Variants in LARGE1 observed in about 807,000 individuals in gnomAD.
LARGE1 encodes the protein xylosyl- and glucuronyltransferase LARGE1.
In LARGE1, 43 loss-of-function variants were observed where a neutral mutation model predicts 87.6. That is an observed-to-expected ratio of 0.49 (90% CI 0.38 to 0.63). LARGE1 has a LOEUF of 0.63. Among genes scored for constraint, LARGE1 ranks in the 30% least tolerant of loss-of-function variants. The pLI is 0.00. For missense variants in LARGE1, 802 were observed against 1,000.2 expected (o/e 0.80, Z 2.67); for synonymous variants, 434 against 394.6 (o/e 1.10, Z -1.18).
intron 12 of LARGE1, among the ~76,000 whole-genome samples, chr22:33,297,455 C>T (rs1569025489): frequency 6.7e-6 from 1 of 150,090 alleles, no homozygotes. Context: ...CTGAAAAATA[C>T]AAAAAAAATT....
chr22:33,261,392 C>T (rs1927616945), intron 11 of LARGE1, among the ~76,000 whole-genome samples: 1 of 152,096 alleles, frequency 6.6e-6, no homozygotes, highest in South Asian at 2.1e-4. Flanking sequence ...CTCAGGCTCC[C>T]CTCTCTTCTT....
intron 7 of LARGE1, among the ~76,000 whole-genome samples, chr22:33,387,408 CAG>C (rs1439978121): frequency 3.0e-5 from 3 of 100,470 alleles, no homozygotes; most frequent in African/African-American, 1.2e-4. Context: ...GTGGGGGTAA[CAG>C]AGTGAGACTC....
chr22:33,742,244 C>A (rs951702691), intron 2 of LARGE1, among the ~76,000 whole-genome samples: 22 of 152,124 alleles, frequency 1.4e-4, no homozygotes, highest in African/African-American at 5.3e-4. Context: ...ATAATAGGAC[C>A]AGCCTCATAG....
intron 9 of LARGE1, among the ~76,000 whole-genome samples, chr22:33,347,210 G>A (rs1939864633): frequency 6.6e-6 from 1 of 152,208 alleles, no homozygotes; most frequent in Admixed American, 6.5e-5. Context: ...GTGCTCTACA[G>A]GCTCTTGCAG....
chr22:33,340,313 C>G (rs1189616779), intron 9 of LARGE1, among the ~76,000 whole-genome samples: 1 of 151,696 alleles, frequency 6.6e-6, no homozygotes, highest in Non-Finnish European at 1.5e-5. Flanking sequence ...CACACAGGGA[C>G]CCAGGAGACT....
At chr22:33,482,303 A>G (rs1315988884) in intron 6 of LARGE1, among the ~76,000 whole-genome samples, 1 of 152,196 alleles carries the variant, frequency 6.6e-6, no homozygotes, top group Admixed American at 6.5e-5. Flanking sequence ...GTTGTTATTC[A>G]TGCTTTTCTC....
chr22:33,663,202 C>T (rs188010929), intron 2 of LARGE1, among the ~76,000 whole-genome samples: 6 of 152,196 alleles, frequency 3.9e-5, no homozygotes, highest in Admixed American at 1.3e-4. Flanking sequence ...ACAGAAATAA[C>T]GCTTTATTGG....
At chr22:33,505,392 A>C (rs947876654) in intron 6 of LARGE1, among the ~76,000 whole-genome samples, 1 of 152,190 alleles carries the variant, frequency 6.6e-6, no homozygotes, top group Non-Finnish European at 1.5e-5. Flanking sequence ...AGAGGATCCA[A>C]ATGGGCTTTA....
Position 33,387,200 on chromosome 22 carries a change from A to AGGTG in LARGE1, c.893-2897_893-2896insCACC, listed in dbSNP as rs2065354887. ...AGCACTTTGGGAGGCCAAGGTGCAC[A>AGGTG]GATCATCTGAAGTCAGGAGTCCAAG... On this transcript the variant is annotated intron_variant, in intron 7 of 14. Coordinates refer to ENST00000397394, the MANE Select transcript of LARGE1 (RefSeq NM_133642.5). Among the ~76,000 whole-genome samples, 10 of 148,164 alleles carry AGGTG rather than the reference A, an allele frequency of 6.7e-5. 1 individual carries two copies. Among genetic ancestry groups the AGGTG allele is most frequent in the Non-Finnish European group, 1.5e-4 (10 of 66,282 alleles).
intron 13 of LARGE1, among the ~76,000 whole-genome samples, chr22:33,277,526 G>A (rs1053666804): frequency 6.6e-6 from 1 of 152,136 alleles, no homozygotes; most frequent in Non-Finnish European, 1.5e-5. Context: ...CTTATAAGAA[G>A]GGGAAAATTT....
chr22:33,144,654 A>G, the LARGE1 span, among the ~76,000 whole-genome samples: 1 of 152,172 alleles, frequency 6.6e-6, no homozygotes, highest in Non-Finnish European at 1.5e-5. Context: ...TGAAAGCCAC[A>G]TAACTAAATA....
chr22:33,859,403 C>A lies in LARGE1; in HGVS notation c.-83+60592G>T, dbSNP rs561411151. 2.6e-5 allele frequency among the ~76,000 whole-genome samples: 4 copies of A among 152,278 alleles called. No individual in the cohort carries two copies. The South Asian group carries it at 6.2e-4, about 24-fold the overall frequency. On this transcript the variant is annotated intron_variant, in intron 1 of 14. Transcript: ENST00000397394. ...GCACCCAACAGATACAAACAAAAAGCCTTCACCTTACATTGTGGCCTCTGG... is the reference window on the plus strand; with the variant it reads ...GCACCCAACAGATACAAACAAAAAGACTTCACCTTACATTGTGGCCTCTGG...
intron 4 of LARGE1, among the ~76,000 whole-genome samples, chr22:33,614,145 C>G (rs1182580222): frequency 6.6e-6 from 1 of 152,098 alleles, no homozygotes; most frequent in Non-Finnish European, 1.5e-5. Context: ...GCTTCTTCAC[C>G]TCTGAGTCTC....
intron 11 of LARGE1, among the ~76,000 whole-genome samples, chr22:33,263,883 G>C (rs1318419934): frequency 6.6e-6 from 1 of 152,166 alleles, no homozygotes; most frequent in Non-Finnish European, 1.5e-5. Flanking sequence ...ACGAACTCTG[G>C]GGTTGAGCTA....
chr22:33,818,337 G>A (rs1203577937), intron 1 of LARGE1, among the ~76,000 whole-genome samples: 3 of 152,156 alleles, frequency 2.0e-5, no homozygotes, highest in Non-Finnish European at 4.4e-5. Context: ...TACAAGGACA[G>A]GAACCCTATC....
chr22:33,125,978 C>G, the LARGE1 span, among the ~76,000 whole-genome samples: 2 of 152,074 alleles, frequency 1.3e-5, no homozygotes, highest in Non-Finnish European at 2.9e-5. Flanking sequence ...GAATTCCTGA[C>G]TTTCGACAAT....
At chr22:33,537,774 T>C (rs575276906) in intron 6 of LARGE1, among the ~76,000 whole-genome samples, 73 of 152,218 alleles carry the variant, frequency 4.8e-4, no homozygotes, top group African/African-American at 2.4e-5. Context: ...GGTTTCACTA[T>C]ACTGGCCAGG....
intron 11 of LARGE1, among the ~76,000 whole-genome samples, chr22:33,248,909 T>C (rs1328564512): frequency 1.3e-5 from 2 of 152,232 alleles, no homozygotes; most frequent in African/African-American, 2.4e-5. Flanking sequence ...CAGAGCGGAA[T>C]AATATCCCAT....
chr22:33,772,159 C>T (rs2145822560), intron 1 of LARGE1, among the ~76,000 whole-genome samples: 1 of 152,246 alleles, frequency 6.6e-6, no homozygotes, highest in African/African-American at 2.4e-5. Flanking sequence ...CAGTGAAACC[C>T]CGTCTCTACT....
Sources: gnomAD v4.1 joint callset for allele counts (sites outside exome capture counted in the v4.1 genomes callset) on GRCh38, gnomAD v4.1.1 for gene constraint, MANE v1.5 for transcripts, NCBI Gene and HGNC (gene_info 2026-07-23, HGNC 2026-07-21) for gene names.